BARD1: variants seen among roughly 807,000 people sequenced by gnomAD.
The protein encoded by BARD1 is BRCA1 associated RING domain 1, also known as BRCA1-associated RING domain protein 1.
In BARD1, 73 loss-of-function variants were observed where a neutral mutation model predicts 77.0. The ratio of observed to expected loss-of-function variants is 0.95; its 90% CI spans 0.79 to 1.15. BARD1 has a LOEUF of 1.15. Ranked by LOEUF, BARD1 falls within the 50% of genes most tolerant of loss-of-function variation. The probability of loss-of-function intolerance (pLI) is 0.00; values close to 1 mark genes in which losing one functional copy is unlikely to be tolerated. For synonymous variants in BARD1, 384 were observed against 338.0 expected, an observed-to-expected ratio of 1.14 and a Z score of -1.49; for missense variants, 993 against 938.8, an observed-to-expected ratio of 1.06 and a Z score of -0.75.
At position 214,809,474 on chromosome 2, in the gene BARD1, A is replaced by C; in HGVS notation, c.96T>G (p.Gly32=). ...GCGCGGCGCGACTGTGGGCCCAGGCACCGCGACCATCCGGTTCCATGGCGG... is the reference window on the plus strand; with the variant it reads ...GCGCGGCGCGACTGTGGGCCCAGGCCCCGCGACCATCCGGTTCCATGGCGG... ...SAPAMEPDGR[G]AWAHSRAALD... The change falls in exon 1 of 11, where the codon GGT becomes GGG. Residue 32 remains glycine (G), a synonymous_variant. Coordinates refer to ENST00000260947, the MANE Select transcript of BARD1 (RefSeq NM_000465.4). 6.2e-7 allele frequency: 1 copy of C among 1,610,098 alleles called. No individual in the cohort carries two copies. Among genetic ancestry groups the C allele is most frequent in the Non-Finnish European group, 8.5e-7 (1 of 1,179,220 alleles).
intron 7 of BARD1, among the ~76,000 whole-genome samples, chr2:214,746,846 T>C (rs910757720): frequency 1.3e-4 from 20 of 151,962 alleles, no homozygotes; most frequent in Non-Finnish European, 8.8e-5. Flanking sequence ...AAAGCCAAAA[T>C]TGACAAATGG....
intron 3 of BARD1, among the ~76,000 whole-genome samples, chr2:214,789,842 G>T: frequency 6.6e-6 from 1 of 152,090 alleles, no homozygotes; most frequent in South Asian, 2.1e-4. Flanking sequence ...TATAAGTAAC[G>T]TTGAGGGCGC....
At chr2:214,795,407 T>G (rs1270396719) in intron 2 of BARD1, among the ~76,000 whole-genome samples, 1 of 152,090 alleles carries the variant, frequency 6.6e-6, no homozygotes, top group African/African-American at 2.4e-5. Context: ...AGGTTCTAGG[T>G]CCCATACAGG....
chr2:214,803,925 A>T (rs1279607908), intron 1 of BARD1, among the ~76,000 whole-genome samples: 1 of 152,184 alleles, frequency 6.6e-6, no homozygotes, highest in Non-Finnish European at 1.5e-5. Flanking sequence ...GTTCTTACTG[A>T]TACAAAATTT....
intron 1 of BARD1, among the ~76,000 whole-genome samples, chr2:214,800,493 G>A (rs10193091): frequency 6.7e-4 from 102 of 152,260 alleles, no homozygotes; most frequent in African/African-American, 1.1e-3. Flanking sequence ...TGCCATGATC[G>A]TGCCTGTGAA....
intron 6 of BARD1, among the ~76,000 whole-genome samples, chr2:214,761,023 C>T (rs2106060079): frequency 6.6e-6 from 1 of 151,134 alleles, no homozygotes; most frequent in Non-Finnish European, 1.5e-5. Context: ...ATCCACCCGC[C>T]TTGGCTTCTC....
At position 214,730,504 on chromosome 2, in the gene BARD1, T is replaced by C. The variant is rs1574707330; in HGVS notation, c.1908A>G (p.Val636=). The change falls in exon 10 of 11, where the codon GTA becomes GTG. Residue 636 remains valine, a synonymous_variant. Transcript: ENST00000260947. ...NGCWILKFEW[V]KACLRRKVCE... ...ATACTTTTCTTCGTAGACATGCTTT[T>C]ACCCCTGACAAAAACACAAGAATTA... The C allele has an allele frequency of 3.1e-6, 5 of 1,613,708 alleles. No homozygotes were observed. The highest frequency in any genetic ancestry group is 4.2e-6 in the Non-Finnish European group (5 of 1,179,700).
At chr2:214,747,900 A>C (rs1693217148) in intron 7 of BARD1, among the ~76,000 whole-genome samples, 1 of 151,722 alleles carries the variant, frequency 6.6e-6, no homozygotes, top group Admixed American at 6.5e-5. Flanking sequence ...AAAAAAATTA[A>C]AAAAGGAAAA....
At position 214,745,854 on chromosome 2, in the gene BARD1, T is replaced by C. The variant is rs587780020; in HGVS notation, c.1678A>G (p.Met560Val). The C allele has an allele frequency of 1.1e-5, 17 of 1,613,896 alleles. No individual in the cohort carries two copies. The highest frequency in any genetic ancestry group is 5.3e-5 in the African/African-American group (4 of 74,924). The change falls in exon 8 of 11, where the codon ATG becomes GTG. Residue 560 changes from methionine to valine, a missense_variant and splice_region_variant. Met to Val is a conservative substitution (Grantham distance 21). Transcript: ENST00000260947. ...ESSSASHCSV[M>V]NTGQRRDGPL... Reference sequence around the variant, plus strand: ...CCATCCCTACGCTGCCCAGTGTTCATCTGTTAATATAAAAGGAGATACCAG... The same window carrying C: ...CCATCCCTACGCTGCCCAGTGTTCACCTGTTAATATAAAAGGAGATACCAG...
chr2:214,734,610 A>G (rs1239170109), intron 9 of BARD1, among the ~76,000 whole-genome samples: 3 of 152,194 alleles, frequency 2.0e-5, no homozygotes, highest in African/African-American at 7.2e-5. Flanking sequence ...CAGTGCTCTG[A>G]AAACTTTAAT....
At position 214,780,828 on chromosome 2, in the gene BARD1, T is replaced by C. The variant is rs786202282; in HGVS notation, c.1046A>G (p.Lys349Arg). 6.2e-7 allele frequency: 1 copy of C among 1,614,032 alleles called. No individual in the cohort carries two copies. Among genetic ancestry groups the C allele is most frequent in the Admixed American group, 1.7e-5 (1 of 59,992 alleles). Residue 349 changes from lysine to arginine, a missense_variant, in exon 4 of 11, where the codon AAG becomes AGG. By Grantham distance (26) the Lys-to-Arg change is conservative. Transcript: ENST00000260947. ...SILSTSGDFVKQTVPSENIPL... is the reference protein window; with the variant it reads ...SILSTSGDFVRQTVPSENIPL... ...TATATTTTCTGAGGGCACCGTTTGC[T>C]TAACAAAATCTCCACTGGTGCTCAG...
intron 1 of BARD1, among the ~76,000 whole-genome samples, chr2:214,805,790 A>C (rs1696242699): frequency 6.6e-6 from 1 of 152,172 alleles, no homozygotes; most frequent in Non-Finnish European, 1.5e-5. Flanking sequence ...ACCTATCATA[A>C]AGGTTAAAAG....
Position 214,781,381 on chromosome 2 carries a change from T to C in BARD1, c.493A>G (p.Thr165Ala), listed in dbSNP as rs876658147. 1 of 1,613,552 alleles carries C rather than the reference T, an allele frequency of 6.2e-7. No homozygotes were observed. The highest frequency in any genetic ancestry group is 1.7e-5 in the Admixed American group (1 of 59,948). ...GCATCTTTTTTTATTGCAGGCTGGG[T>C]TTGCACTGAAGCTTTACTCACAACA... ...RYVVSKASVQ[T>A]QPAIKKDASA... The change falls in exon 4 of 11, where the codon ACC (threonine) becomes GCC (alanine). Residue 165 changes from threonine to alanine, a missense_variant. Coordinates refer to ENST00000260947, the MANE Select transcript of BARD1 (RefSeq NM_000465.4).
intron 7 of BARD1, among the ~76,000 whole-genome samples, chr2:214,749,691 G>C (rs1314345176): frequency 6.6e-6 from 1 of 152,082 alleles, no homozygotes; most frequent in Non-Finnish European, 1.5e-5. Flanking sequence ...TCAATTTATA[G>C]TTGCTGAGTA....
At chr2:214,804,576 CTA>C (rs1375041830) in intron 1 of BARD1, among the ~76,000 whole-genome samples, 3 of 152,184 alleles carry the variant, frequency 2.0e-5, no homozygotes, top group African/African-American at 7.2e-5. Context: ...ACACAAATAA[CTA>C]TGAAATCTGC....
At chr2:214,749,510 T>C (rs886837839) in intron 7 of BARD1, among the ~76,000 whole-genome samples, 1 of 152,150 alleles carries the variant, frequency 6.6e-6, no homozygotes, top group Non-Finnish European at 1.5e-5. Context: ...AAACCCTCCT[T>C]TTCTGAAAGG....
chr2:214,775,068 T>A (rs1250260254), intron 4 of BARD1, among the ~76,000 whole-genome samples: 1 of 152,228 alleles, frequency 6.6e-6, no homozygotes, highest in African/African-American at 2.4e-5. Context: ...ACTCTCCTCA[T>A]ATCGGCAGTA....
intron 1 of BARD1, among the ~76,000 whole-genome samples, chr2:214,798,401 T>C (rs1695857543): frequency 1.3e-5 from 2 of 152,196 alleles, no homozygotes; most frequent in South Asian, 2.1e-4. Flanking sequence ...ACATTCATAC[T>C]GTGTCTATAA....
chr2:214,808,554 T>C (rs1386494769), intron 1 of BARD1, among the ~76,000 whole-genome samples: 2 of 152,204 alleles, frequency 1.3e-5, no homozygotes, highest in African/African-American at 4.8e-5. Flanking sequence ...AAACTGCCAG[T>C]GATCTTCATA....
Sources: allele counts gnomAD v4.1 joint callset (sites outside exome capture counted in the v4.1 genomes callset), GRCh38; gene constraint gnomAD v4.1.1; transcripts MANE v1.5; gene names NCBI Gene and HGNC (gene_info 2026-07-23, HGNC 2026-07-21).